The following TMEM132B variants were observed in gnomAD, a reference collection of about 807,000 sequenced individuals.
TMEM132B encodes transmembrane protein 132B.
TMEM132B carries 18 observed loss-of-function variants against 90.8 expected under a neutral mutation model. The ratio of observed to expected loss-of-function variants is 0.20; its 90% confidence interval spans 0.14 to 0.29. The LOEUF is 0.29. Ranked by LOEUF, TMEM132B falls within the 10% of genes least tolerant of loss-of-function variation. The pLI is 1.00. For missense variants in TMEM132B, 1,096 were observed against 1,326.8 expected (o/e 0.83, Z 2.70); for synonymous variants, 504 against 523.3 (o/e 0.96, Z 0.50).
intron 1 of TMEM132B, among the ~76,000 whole-genome samples, chr12:125,342,681 C>T (rs943106015): frequency 2.6e-5 from 4 of 152,150 alleles, no homozygotes; most frequent in African/African-American, 7.2e-5. Flanking sequence ...CCTATTTGCC[C>T]TTCATCTGCT....
At chr12:125,296,665 G>A (rs113270473) in intron 1 of TMEM132B, among the ~76,000 whole-genome samples, 1,856 of 152,332 alleles carry the variant, frequency 0.012, 37 homozygotes, top group African/African-American at 0.04. Context: ...CAAATGCTCG[G>A]CATAGAACCC....
At chr12:125,211,492 A>G (rs925042410) in intron 1 of TMEM132B, among the ~76,000 whole-genome samples, 11 of 152,172 alleles carry the variant, frequency 7.2e-5, no homozygotes, top group Admixed American at 3.9e-4. Flanking sequence ...CTCCGAGCAG[A>G]CCAGCTGTCT....
chr12:125,625,163 C>A (rs1294884453), intron 5 of TMEM132B, among the ~76,000 whole-genome samples: 6 of 109,032 alleles, frequency 5.5e-5, no homozygotes, highest in Admixed American at 1.2e-4. Context: ...GACTGAGTCT[C>A]GCTCTGTTGC....
intron 1 of TMEM132B, among the ~76,000 whole-genome samples, chr12:125,338,127 A>G (rs959792880): frequency 6.6e-6 from 1 of 152,170 alleles, no homozygotes; most frequent in African/African-American, 2.4e-5. Context: ...CTTTCAACAC[A>G]CATTTATTTC....
chr12:125,315,580 C>A (rs1466927334), intron 1 of TMEM132B, among the ~76,000 whole-genome samples: 3 of 152,316 alleles, frequency 2.0e-5, no homozygotes, highest in Non-Finnish European at 4.4e-5. Context: ...AAGCAATCCT[C>A]ATGATAGCCC....
intron 2 of TMEM132B, among the ~76,000 whole-genome samples, chr12:125,389,211 G>T (rs1043314113): frequency 2.0e-5 from 3 of 152,070 alleles, no homozygotes; most frequent in African/African-American, 7.2e-5. Flanking sequence ...TAATTTCAGG[G>T]AGTACTAAGT....
At chr12:125,225,662 G>A (rs1312642944) in intron 1 of TMEM132B, among the ~76,000 whole-genome samples, 1 of 152,184 alleles carries the variant, frequency 6.6e-6, no homozygotes, top group Non-Finnish European at 1.5e-5. Context: ...TGTGAGGCAA[G>A]CCTTCCACAT....
chr12:125,260,223 G>A (rs1053920829), intron 1 of TMEM132B, among the ~76,000 whole-genome samples: 1 of 152,168 alleles, frequency 6.6e-6, no homozygotes, highest in East Asian at 1.9e-4. Flanking sequence ...CCTGTCTTGC[G>A]CTAGAGCTTG....
At chr12:125,369,843 G>T (rs1878242758) in intron 2 of TMEM132B, among the ~76,000 whole-genome samples, 1 of 152,196 alleles carries the variant, frequency 6.6e-6, no homozygotes, top group African/African-American at 2.4e-5. Context: ...GAGGTCAGGA[G>T]TTCGAGACCA....
At chr12:125,541,442 T>C (rs1363897495) in intron 4 of TMEM132B, among the ~76,000 whole-genome samples, 1 of 152,142 alleles carries the variant, frequency 6.6e-6, no homozygotes, top group Non-Finnish European at 1.5e-5. Context: ...GCCTTCTCTC[T>C]CATGTATTTC....
intron 4 of TMEM132B, among the ~76,000 whole-genome samples, chr12:125,538,242 C>T (rs1387345869): frequency 6.6e-6 from 1 of 152,166 alleles, no homozygotes; most frequent in Non-Finnish European, 1.5e-5. Flanking sequence ...TTTATGATAT[C>T]CAGCTAGGCA....
intron 1 of TMEM132B, among the ~76,000 whole-genome samples, chr12:125,194,276 G>GT (rs1373328628): frequency 6.6e-6 from 1 of 152,060 alleles, no homozygotes; most frequent in East Asian, 1.9e-4. Flanking sequence ...GTTGGTGGGG[G>GT]GGTCTTACTC....
intron 3 of TMEM132B, among the ~76,000 whole-genome samples, chr12:125,502,030 G>A (rs1000786307): frequency 3.3e-5 from 5 of 152,210 alleles, no homozygotes; most frequent in South Asian, 2.1e-4. Context: ...ATGCACGCAC[G>A]AATGCATGTG....
At chr12:125,630,172 C>G (rs1886328206) in intron 5 of TMEM132B, among the ~76,000 whole-genome samples, 1 of 151,920 alleles carries the variant, frequency 6.6e-6, no homozygotes, top group Non-Finnish European at 1.5e-5. Flanking sequence ...TGGAAGTATT[C>G]CCTCCTCCTC....
rs371149663 is a variant in TMEM132B, at chr12:125,650,765, C to G, written c.1726C>G (p.Arg576Gly). The G allele has an allele frequency of 1.9e-6, 3 of 1,614,236 alleles. No individual in the cohort carries two copies. The highest frequency in any genetic ancestry group is 2.5e-6 in the Non-Finnish European group (3 of 1,180,044). The change falls in exon 7 of 9, where the codon CGT becomes GGT. Residue 576 changes from arginine (R) to glycine (G), a missense_variant. By Grantham distance (125) the Arg-to-Gly change is moderately radical (BLOSUM62 -2). Transcript: ENST00000682704. ...CSLQYQHATV[R>G]VLTQFVAESP... The stretch of plus-strand genomic sequence containing the variant: ...CCTGCAGTACCAGCACGCCACAGTG[C>G]GTGTCCTCACCCAGTTTGTGGCCGA...
chr12:125,550,653 T>C (rs1884203976), intron 4 of TMEM132B, among the ~76,000 whole-genome samples: 1 of 152,360 alleles, frequency 6.6e-6, no homozygotes, highest in African/African-American at 2.4e-5. Context: ...TATTCTTTTT[T>C]AAGCTGATTA....
In TMEM132B at chr12:125,591,021, G is replaced by A. The variant is rs188936804; in HGVS notation, c.1437+7027G>A. 9.6e-5 allele frequency among the ~76,000 whole-genome samples: 14 copies of A among 145,286 alleles called. No individual in the cohort carries two copies. The East Asian group carries it at 2.1e-3, about 22-fold the overall frequency. The stretch of plus-strand genomic sequence containing the variant: ...ATTGTGTGTACGCATGCACGCCCGC[G>A]TGTGTGTGTGTGTGTTTGTGTGTGT... On this transcript the variant is annotated intron_variant, in intron 5 of 8. Coordinates refer to ENST00000682704, the MANE Select transcript of TMEM132B (RefSeq NM_001366854.1).
At chr12:125,453,784 T>C (rs185046970) in intron 3 of TMEM132B, among the ~76,000 whole-genome samples, 9 of 152,272 alleles carry the variant, frequency 5.9e-5, no homozygotes, top group African/African-American at 2.2e-4. Context: ...ATTAGCTTAT[T>C]AAACCCTGCC....
At chr12:125,562,999 G>A (rs909854643) in intron 4 of TMEM132B, among the ~76,000 whole-genome samples, 3 of 151,900 alleles carry the variant, frequency 2.0e-5, no homozygotes, top group African/African-American at 7.3e-5. Context: ...CGAAGGAGAG[G>A]GAGAGAGACA....
Sources: allele counts gnomAD v4.1 joint callset (sites outside exome capture counted in the v4.1 genomes callset), GRCh38; gene constraint gnomAD v4.1.1; transcripts MANE v1.5; gene names NCBI Gene and HGNC (gene_info 2026-07-23, HGNC 2026-07-21).